Variants in NINL observed in about 807,000 individuals in gnomAD.
NINL encodes ninein like.
Under a neutral mutation model 160.3 loss-of-function variants are expected in NINL, and 153 were observed. The observed-to-expected ratio is 0.95, with a 90% CI of 0.84 to 1.09. The LOEUF (loss-of-function observed/expected upper bound fraction) is 1.09. NINL is among the 50% of genes least tolerant of loss of function. NINL has a pLI of 0.00. For synonymous variants in NINL, 800 were observed against 734.8 expected (o/e 1.09, Z -1.43); for missense variants, 1,829 against 1,764.0 (o/e 1.04, Z -0.66).
chr20:25,553,408 G>A (rs1190511778), intron 1 of NINL, among the ~76,000 whole-genome samples: 1 of 152,190 alleles, frequency 6.6e-6, no homozygotes, highest in African/African-American at 2.4e-5. Flanking sequence ...ACACAGTACA[G>A]GCCCCAGTGT....
intron 17 of NINL, among the ~76,000 whole-genome samples, chr20:25,470,941 T>G (rs907427679): frequency 2.6e-4 from 39 of 152,194 alleles, no homozygotes; most frequent in African/African-American, 9.4e-4. Flanking sequence ...CAAATAGGTC[T>G]CCATATGGTA....
At chr20:25,509,210 C>A (rs1302653410) in intron 5 of NINL, among the ~76,000 whole-genome samples, 2 of 152,180 alleles carry the variant, frequency 1.3e-5, no homozygotes. Context: ...CTATCTTCAG[C>A]CGCCATGCTG....
chr20:25,537,136 G>A (rs907391779), intron 1 of NINL, among the ~76,000 whole-genome samples: 2 of 152,174 alleles, frequency 1.3e-5, no homozygotes, highest in African/African-American at 4.8e-5. Context: ...TGGCTGGGGT[G>A]CAGTGGCGTT....
intron 21 of NINL, among the ~76,000 whole-genome samples, chr20:25,459,567 C>T (rs922957080): frequency 2.6e-5 from 4 of 152,190 alleles, no homozygotes; most frequent in African/African-American, 4.8e-5. Context: ...CTCTGGCTGC[C>T]GCCGCCCAGG....
intron 7 of NINL, 93 bp from the exon 8 acceptor site, chr20:25,501,103 C>T: frequency 1.4e-6 from 2 of 1,463,248 alleles, no homozygotes; most frequent in Non-Finnish European, 1.8e-6. Flanking sequence ...AGCCTGTGCT[C>T]AGAGGGCCTC....
chr20:25,490,709 G>A (rs2063612339), intron 11 of NINL, among the ~76,000 whole-genome samples: 1 of 152,148 alleles, frequency 6.6e-6, no homozygotes, highest in Non-Finnish European at 1.5e-5. Context: ...AGGGGAGGAG[G>A]CAGCATCTGT....
chr20:25,575,674 C>T (rs919988734), intron 1 of NINL, among the ~76,000 whole-genome samples: 9 of 151,806 alleles, frequency 5.9e-5, no homozygotes, highest in African/African-American at 2.2e-4. Context: ...TTGTTGGAAC[C>T]CAGGAGGCAA....
rs1228159450 is a variant in NINL, at chr20:25,476,011, T to C, written c.3248+32A>G. 3 of 1,587,350 alleles carry C rather than the reference T, an allele frequency of 1.9e-6. No homozygotes were observed. The African/African-American group carries it at 4.1e-5, about 21-fold the overall frequency. On this transcript the variant is annotated intron_variant, in intron 17 of 23. Transcript: ENST00000278886. The stretch of plus-strand genomic sequence containing the variant: ...TTAGTTCTGCATTTTTAGTTTGAAG[T>C]GTTTAGTTTTAAGAATGAGTAGAAG...
intron 1 of NINL, among the ~76,000 whole-genome samples, chr20:25,575,707 C>T (rs949646594): frequency 1.3e-5 from 2 of 151,254 alleles, no homozygotes; most frequent in East Asian, 3.9e-4. Context: ...GCCGAGATCG[C>T]GCCATCCAGC....
At chr20:25,572,284 G>A (rs780273598) in intron 1 of NINL, among the ~76,000 whole-genome samples, 10 of 151,546 alleles carry the variant, frequency 6.6e-5, no homozygotes, top group Admixed American at 3.3e-4. Flanking sequence ...TAAAGGTTGA[G>A]GGGAAAAAAA....
chr20:25,505,185 G>A, intron 5 of NINL, 107 bp from the exon 6 acceptor site: 9 of 1,034,712 alleles, frequency 8.7e-6, no homozygotes, highest in South Asian at 1.7e-5. Context: ...GTGAATGAAT[G>A]TGGAGGACAT....
At chr20:25,531,361 G>T (rs1051785455) in intron 1 of NINL, among the ~76,000 whole-genome samples, 48 of 152,240 alleles carry the variant, frequency 3.2e-4, no homozygotes, top group African/African-American at 1.1e-3. Flanking sequence ...ACCCTCCTCA[G>T]CTTACGAAAA....
chr20:25,469,984 C>A lies in NINL; in HGVS notation c.3353+7G>T. 6.2e-7 allele frequency: 1 copy of A among 1,610,916 alleles called. No homozygotes were observed. On this transcript the variant is annotated splice_region_variant and intron_variant, in intron 18 of 23. Coordinates refer to ENST00000278886, the MANE Select transcript of NINL (RefSeq NM_025176.6). ...CCAGAAGGTCTGGGTAGGGGCGTGG[C>A]CCTTACCTCTGTGCATCGTGAGTAC...
intron 1 of NINL, among the ~76,000 whole-genome samples, chr20:25,542,534 G>A (rs947382715): frequency 2.2e-5 from 3 of 137,838 alleles, no homozygotes; most frequent in African/African-American, 8.1e-5. Context: ...AACCCAAAAA[G>A]AATATTCTTA....
chr20:25,561,482 G>A (rs2064936837), intron 1 of NINL, among the ~76,000 whole-genome samples: 1 of 152,102 alleles, frequency 6.6e-6, no homozygotes, highest in Non-Finnish European at 1.5e-5. Flanking sequence ...GAGCGTCTCT[G>A]CCTGGCCGCC....
chr20:25,580,750 G>T (rs2065165418), intron 1 of NINL, among the ~76,000 whole-genome samples: 1 of 152,216 alleles, frequency 6.6e-6, no homozygotes, highest in Admixed American at 6.5e-5. Flanking sequence ...GCTCAAAGTT[G>T]CCCCAAGGTG....
chr20:25,541,599 T>G (rs1188292366), intron 1 of NINL, among the ~76,000 whole-genome samples: 1 of 152,240 alleles, frequency 6.6e-6, no homozygotes, highest in East Asian at 1.9e-4. Context: ...TTACAAAATA[T>G]CCATACAATT....
In NINL at chr20:25,453,538, G is replaced by A. The variant is rs776524973; in HGVS notation, c.4062C>T (p.Ala1354=). The change falls in exon 24 of 24, where the codon GCC becomes GCT. Residue 1354 remains alanine, a synonymous_variant. Coordinates refer to ENST00000278886, the MANE Select transcript of NINL (RefSeq NM_025176.6). ...LQATEEKQRG[A]EKQSRLLEEK... ...CTTCCAAGAGGCGGCTTTGTTTCTC[G>A]GCGCCTCGCTGCTTCTCCTCGGTGG... 15 of 1,613,938 alleles carry A rather than the reference G, an allele frequency of 9.3e-6. No homozygotes were observed. The highest frequency in any genetic ancestry group is 1.2e-5 in the Non-Finnish European group (14 of 1,179,996).
chr20:25,498,162 C>G (rs773692780), intron 9 of NINL, 48 bp downstream of exon 9: 4 of 1,605,254 alleles, frequency 2.5e-6, no homozygotes, highest in Non-Finnish European at 2.5e-6. Context: ...TCCAGGCCCA[C>G]CTGGCCAGCC....
Sources: allele counts gnomAD v4.1 joint callset (sites outside exome capture counted in the v4.1 genomes callset), GRCh38; gene constraint gnomAD v4.1.1; transcripts MANE v1.5; gene names NCBI Gene and HGNC (gene_info 2026-07-23, HGNC 2026-07-21).